Variants in CREB5 observed in about 807,000 individuals in gnomAD.
CREB5 encodes the protein cyclic AMP-responsive element-binding protein 5.
In CREB5, 19 loss-of-function variants were observed where a neutral mutation model predicts 57.1. That is an observed-to-expected ratio of 0.33 (90% CI 0.23 to 0.49). The LOEUF is 0.49. Among genes scored for constraint, CREB5 ranks in the 20% least tolerant of loss-of-function variants. The pLI is 0.99. For missense variants in CREB5, 579 were observed against 671.6 expected (o/e 0.86, Z 1.52); for synonymous variants, 238 against 238.3 (o/e 1.00, Z 0.01).
At chr7:28,464,091 C>A (rs939853417) in intron 1 of CREB5, among the ~76,000 whole-genome samples, 1 of 152,058 alleles carries the variant, frequency 6.6e-6, no homozygotes, top group Admixed American at 6.6e-5. Context: ...AGCTTTGATG[C>A]AGTTTTTATG....
intron 4 of CREB5, among the ~76,000 whole-genome samples, chr7:28,550,480 T>C (rs915825219): frequency 6.6e-6 from 1 of 152,178 alleles, no homozygotes; most frequent in Non-Finnish European, 1.5e-5. Flanking sequence ...CCATTGCCAA[T>C]TCCTTTGCTT....
chr7:28,495,607 C>A (rs77871341), intron 3 of CREB5, among the ~76,000 whole-genome samples: 1 of 151,812 alleles, frequency 6.6e-6, no homozygotes, highest in Non-Finnish European at 1.5e-5. Flanking sequence ...CATCTATGCA[C>A]GCTGCACTGT....
Position 28,461,749 on chromosome 7 carries a change from G to A in CREB5, c.4-26426G>A, listed in dbSNP as rs1660440283. Among the ~76,000 whole-genome samples, 3 of 152,054 alleles carry A rather than the reference G, an allele frequency of 2.0e-5. No homozygotes were observed. The South Asian group carries it at 6.2e-4, about 32-fold the overall frequency. Reference sequence around the variant, plus strand: ...ACTTTTTCATTTAAATAAATTAAAAGCAGAAAATTCTCATGTCACAATGTG... The same window carrying A: ...ACTTTTTCATTTAAATAAATTAAAAACAGAAAATTCTCATGTCACAATGTG... On this transcript the variant is annotated intron_variant, in intron 1 of 10. Coordinates refer to ENST00000357727, the MANE Select transcript of CREB5 (RefSeq NM_182898.4).
rs1799318167 is a variant in CREB5 at position 28,655,979 on chromosome 7, GA to G, written c.465-62767del. Among the ~76,000 whole-genome samples the G allele has an allele frequency of 2.6e-5, 4 of 151,660 alleles. No homozygotes were observed. The South Asian group carries it at 6.2e-4, about 24-fold the overall frequency. On this transcript the variant is annotated intron_variant, in intron 5 of 10. Transcript: ENST00000357727. ...TAGAGCTGGACAAAGAAAAGGCAGGGAAAAAAAGCCAACAGTTCATTAACAA... is the reference window on the plus strand; with the variant it reads ...TAGAGCTGGACAAAGAAAAGGCAGGGAAAAAAGCCAACAGTTCATTAACAA...
chr7:28,793,957 G>A (rs1262358092), intron 7 of CREB5, among the ~76,000 whole-genome samples: 1 of 152,164 alleles, frequency 6.6e-6, no homozygotes, highest in Non-Finnish European at 1.5e-5. Context: ...ACTCACTCAG[G>A]AAAGGCCCTG....
At chr7:28,656,919 C>T (rs2128710007) in intron 5 of CREB5, among the ~76,000 whole-genome samples, 1 of 152,052 alleles carries the variant, frequency 6.6e-6, no homozygotes, top group East Asian at 1.9e-4. Context: ...CTCTCAGTGT[C>T]CTCTTGTTTT....
chr7:28,575,426 A>G (rs1008094845), intron 5 of CREB5, among the ~76,000 whole-genome samples: 2 of 152,248 alleles, frequency 1.3e-5, no homozygotes, highest in East Asian at 1.9e-4. Flanking sequence ...AGCAGCTTAC[A>G]GGTTAAGAAT....
chr7:28,503,268 G>A (rs542246293), intron 3 of CREB5, among the ~76,000 whole-genome samples: 132 of 152,278 alleles, frequency 8.7e-4, no homozygotes, highest in African/African-American at 3.1e-3. Context: ...TGGAAATTGT[G>A]TCATATAATT....
At chr7:28,508,203 T>G (rs554512778) in intron 4 of CREB5, among the ~76,000 whole-genome samples, 1 of 152,354 alleles carries the variant, frequency 6.6e-6, no homozygotes, top group East Asian at 1.9e-4. Context: ...ACATCTGTTG[T>G]TGCTGAGACA....
intron 1 of CREB5, among the ~76,000 whole-genome samples, chr7:28,429,242 T>A (rs763736693): frequency 6.6e-6 from 1 of 152,104 alleles, no homozygotes; most frequent in Non-Finnish European, 1.5e-5. Context: ...GCCAGGCTGG[T>A]CTCGAACTCC....
chr7:28,365,366 T>C (rs1786565406), intron 1 of CREB5, among the ~76,000 whole-genome samples: 1 of 152,174 alleles, frequency 6.6e-6, no homozygotes. Flanking sequence ...CATCCTTCAC[T>C]TGTGCTTTGG....
At chr7:28,650,606 C>T (rs766530445) in intron 5 of CREB5, among the ~76,000 whole-genome samples, 8 of 151,980 alleles carry the variant, frequency 5.3e-5, no homozygotes, top group Non-Finnish European at 1.2e-4. Flanking sequence ...CCCCAACCTT[C>T]CATAGGAAAT....
chr7:28,727,861 A>G (rs1347719934), intron 7 of CREB5, among the ~76,000 whole-genome samples: 1 of 152,224 alleles, frequency 6.6e-6, no homozygotes, highest in African/African-American at 2.4e-5. Context: ...GAATGACAGT[A>G]GGAAAAAGAT....
chr7:28,720,794 T>G (rs887570088), intron 6 of CREB5, among the ~76,000 whole-genome samples: 3 of 152,210 alleles, frequency 2.0e-5, no homozygotes, highest in African/African-American at 7.2e-5. Context: ...ACAAGCTGTC[T>G]TCTTTTAGGC....
intron 7 of CREB5, among the ~76,000 whole-genome samples, chr7:28,746,356 T>C (rs1030097235): frequency 6.6e-6 from 1 of 152,196 alleles, no homozygotes; most frequent in African/African-American, 2.4e-5. Context: ...CTCGTTTCAA[T>C]ACCACAAAGG....
chr7:28,671,352 C>T (rs559537014), intron 5 of CREB5, among the ~76,000 whole-genome samples: 3 of 151,970 alleles, frequency 2.0e-5, no homozygotes, highest in Non-Finnish European at 2.9e-5. Flanking sequence ...TTTAAAAATA[C>T]GTTTCCTGCT....
chr7:28,464,236 CCAA>C (rs1790465300), intron 1 of CREB5, among the ~76,000 whole-genome samples: 1 of 152,098 alleles, frequency 6.6e-6, no homozygotes, highest in South Asian at 2.1e-4. Context: ...GTTGCAAATC[CCAA>C]CATTTATTTT....
chr7:28,406,770 A>C (rs1283417029), intron 1 of CREB5, among the ~76,000 whole-genome samples: 1 of 152,218 alleles, frequency 6.6e-6, no homozygotes, highest in African/African-American at 2.4e-5. Context: ...AGTGAGCATG[A>C]GGCAGAAATG....
chr7:28,535,024 C>T (rs994448332), intron 4 of CREB5, among the ~76,000 whole-genome samples: 4 of 141,446 alleles, frequency 2.8e-5, no homozygotes, highest in East Asian at 2.0e-4. Flanking sequence ...TGAGGGCTTG[C>T]GGACTGCAGC....
Sources: gnomAD v4.1 joint callset for allele counts (sites outside exome capture counted in the v4.1 genomes callset) on GRCh38, gnomAD v4.1.1 for gene constraint, MANE v1.5 for transcripts, NCBI Gene and HGNC (gene_info 2026-07-23, HGNC 2026-07-21) for gene names.